Variants in RBM33 observed in about 807,000 individuals in gnomAD.
RBM33 encodes RNA binding motif protein 33, also known as RNA-binding protein 33.
RBM33 carries 28 observed loss-of-function variants against 132.6 expected under a neutral mutation model. The ratio of observed to expected loss-of-function variants is 0.21; its 90% CI spans 0.16 to 0.29. RBM33 has a LOEUF of 0.29. RBM33 is among the 10% of genes least tolerant of loss of function. The pLI is 1.00. For synonymous variants in RBM33, 634 were observed against 593.0 expected (o/e 1.07, Z -1.01); for missense variants, 1,291 against 1,518.5 (o/e 0.85, Z 2.49).
rs567319396 is a variant in RBM33 at position 155,745,759 on chromosome 7, G to A, written c.2979+157G>A. On this transcript the variant is annotated intron_variant, in intron 14 of 17. Coordinates refer to ENST00000401878, the MANE Select transcript of RBM33 (RefSeq NM_053043.3). This position sits in a 1 kb window ranked among gnomAD's most constrained non-coding sequence, Gnocchi z 4.1. The stretch of plus-strand genomic sequence containing the variant: ...ACTTGAAGTTGGTATAAGAATTGCC[G>A]CTTGACGACAGGCATACATTCTCAG... 35 of 733,846 alleles carry A rather than the reference G, an allele frequency of 4.8e-5. 1 individual carries two copies. Among genetic ancestry groups the A allele is most frequent in the African/African-American group, 8.9e-5 (5 of 56,336 alleles). The allele number at this position is 733,846 out of a possible 1,614,324, so 45.5% of individuals were successfully genotyped here.
chr7:155,656,899 A>G (rs768560810), intron 1 of RBM33, among the ~76,000 whole-genome samples: 6 of 151,408 alleles, frequency 4.0e-5, no homozygotes, highest in African/African-American at 7.3e-5. Context: ...TACATACCAT[A>G]TATTAGTTTA....
rs184954444 is a variant in RBM33, at chr7:155,737,816, G to A, written c.1393+154G>A. Among the ~76,000 whole-genome samples, 35 of 152,284 alleles carry A rather than the reference G, an allele frequency of 2.3e-4. No homozygotes were observed. In the East Asian group the frequency reaches 3.9e-3, roughly 17 times the overall value. On this transcript the variant is annotated intron_variant, in intron 10 of 17. Transcript: ENST00000401878. ...ATAGCAGTTCTGCCTGTCATTTCAG[G>A]TGCTAAAATTGGACATTGTTGGTAT... is the stretch of plus-strand genomic sequence containing the variant.
At chr7:155,709,535 G>T (rs759454386) in intron 7 of RBM33, among the ~76,000 whole-genome samples, 31 of 152,016 alleles carry the variant, frequency 2.0e-4, no homozygotes, top group Non-Finnish European at 3.8e-4. Context: ...AACTGTCCCT[G>T]TACCTCTCCA....
At chr7:155,666,903 ATTC>A (rs1461085960) in intron 2 of RBM33, among the ~76,000 whole-genome samples, 3 of 152,122 alleles carry the variant, frequency 2.0e-5, no homozygotes, top group South Asian at 4.1e-4. Context: ...TGTAGTTTTT[ATTC>A]TTTTTTTATT....
At chr7:155,689,807 T>C (rs1006262726) in intron 5 of RBM33, among the ~76,000 whole-genome samples, 4 of 152,218 alleles carry the variant, frequency 2.6e-5, no homozygotes, top group Non-Finnish European at 4.4e-5. Flanking sequence ...TAATCCTAAG[T>C]TCTAGTTTGA....
At chr7:155,672,746 A>G (rs931741610) in intron 2 of RBM33, 121 bp from the exon 3 acceptor site, 13 of 25,020 alleles carry the variant, frequency 5.2e-4, no homozygotes, top group African/African-American at 1.8e-3. Flanking sequence ...CTTTGTCTCA[A>G]AAAAAAAAAA....
chr7:155,746,468 T>C (rs1801519072), intron 14 of RBM33: 1 of 152,222 alleles, frequency 6.6e-6, no homozygotes, highest in African/African-American at 2.4e-5. Flanking sequence ...TTTCTCTTGC[T>C]TTTCATCATT....
At chr7:155,769,671 C>G (rs776186257) in intron 16 of RBM33, among the ~76,000 whole-genome samples, 3 of 151,988 alleles carry the variant, frequency 2.0e-5, no homozygotes, top group Non-Finnish European at 4.4e-5. Flanking sequence ...AGTGGATCAC[C>G]GAGAAGACAG....
Position 155,745,491 on chromosome 7 carries a change from C to A in RBM33, c.2868C>A (p.Pro956=), listed in dbSNP as rs754400341. Residue 956 remains proline, a synonymous_variant, in exon 14 of 18, where the codon CCC becomes CCA. Coordinates refer to ENST00000401878, the MANE Select transcript of RBM33 (RefSeq NM_053043.3). This position sits in a 1 kb window ranked among gnomAD's most constrained non-coding sequence, Gnocchi z 4.1. ...TPRVASIQGR[P]QDTKPGVKRT... ...GAGTGGCGTCCATCCAGGGCCGGCC[C>A]CAGGACACAAAGCCTGGCGTGAAAA... 4 of 1,613,578 alleles carry A rather than the reference C, an allele frequency of 2.5e-6. No homozygotes were observed. The highest frequency in any genetic ancestry group is 3.4e-6 in the Non-Finnish European group (4 of 1,179,780).
chr7:155,726,779 A>T (rs192690566), intron 9 of RBM33, among the ~76,000 whole-genome samples: 1 of 152,246 alleles, frequency 6.6e-6, no homozygotes, highest in African/African-American at 2.4e-5. Flanking sequence ...TTTATATGGC[A>T]TTTCTTGGAG....
At chr7:155,740,078 T>C (rs1801280678) in intron 12 of RBM33, 52 bp downstream of exon 12, 4 of 1,464,278 alleles carry the variant, frequency 2.7e-6, no homozygotes, top group Non-Finnish European at 2.7e-6. Context: ...CCTTTTAACT[T>C]ACAGGACTTG....
At chr7:155,646,570 G>C (rs550937395) in intron 1 of RBM33, among the ~76,000 whole-genome samples, 7 of 152,284 alleles carry the variant, frequency 4.6e-5, no homozygotes, top group African/African-American at 7.2e-5. Context: ...GAAGTTCATC[G>C]CATGGACTGC....
chr7:155,755,221 G>A (rs59414666), intron 14 of RBM33, among the ~76,000 whole-genome samples: 1,988 of 152,292 alleles, frequency 0.013, 49 homozygotes, highest in African/African-American at 0.046. Flanking sequence ...CAACATTGGC[G>A]GTGACAGTGA....
At chr7:155,697,051 T>G (rs1339368800) in intron 5 of RBM33, among the ~76,000 whole-genome samples, 1 of 152,192 alleles carries the variant, frequency 6.6e-6, no homozygotes, top group Non-Finnish European at 1.5e-5. Flanking sequence ...TCAAGCAGTG[T>G]CTGCCAGTTT....
chr7:155,673,550 GTATA>G (rs1231809726), intron 3 of RBM33, among the ~76,000 whole-genome samples: 2 of 48,326 alleles, frequency 4.1e-5, no homozygotes, highest in Non-Finnish European at 4.8e-5. Flanking sequence ...ATACACACGT[GTATA>G]TATATACACA....
At position 155,711,339 on chromosome 7, in the gene RBM33, C is replaced by T. The variant is rs772371058; in HGVS notation, c.1085C>T (p.Pro362Leu). 1 of 1,604,510 alleles carries T rather than the reference C, an allele frequency of 6.2e-7. No individual in the cohort carries two copies. Among genetic ancestry groups the T allele is most frequent in the Non-Finnish European group, 8.5e-7 (1 of 1,175,772 alleles). Reference sequence around the variant, plus strand: ...TCCCCGCCTCAGGGAATGCACATGCCTCCCCAGCTAGAGACCCCAAGGATG... The same window carrying T: ...TCCCCGCCTCAGGGAATGCACATGCTTCCCCAGCTAGAGACCCCAAGGATG... ...HPSPPQGMHM[P>L]PQLETPRMMM... Residue 362 changes from proline to leucine, a missense_variant, in exon 8 of 18, where the codon CCT (proline) becomes CTT (leucine). Coordinates refer to ENST00000401878, the MANE Select transcript of RBM33 (RefSeq NM_053043.3).
intron 8 of RBM33, among the ~76,000 whole-genome samples, chr7:155,712,064 A>G (rs1452071244): frequency 2.0e-5 from 3 of 152,224 alleles, no homozygotes; most frequent in Non-Finnish European, 4.4e-5. Flanking sequence ...TGCTGAGAGT[A>G]CAGTCTGAAT....
At chr7:155,695,704 G>T (rs1196576524) in intron 5 of RBM33, among the ~76,000 whole-genome samples, 1 of 152,160 alleles carries the variant, frequency 6.6e-6, no homozygotes, top group Non-Finnish European at 1.5e-5. Context: ...CAAGTGATCT[G>T]CCCGCCTTGG....
At chr7:155,673,940 G>GTTGTTGTTTTTTTTTTTTTT in intron 3 of RBM33, among the ~76,000 whole-genome samples, 19 of 54,192 alleles carry the variant, frequency 3.5e-4, no homozygotes, top group South Asian at 7.2e-4. Context: ...TTTAGGCTTA[G>GTTGTTGTTTTTTTTTTTTTT]TTTTTTTTTT....
Sources: allele counts gnomAD v4.1 joint callset (sites outside exome capture counted in the v4.1 genomes callset), GRCh38; gene constraint gnomAD v4.1.1; non-coding constraint Gnocchi (gnomAD v3.1); transcripts MANE v1.5; gene names NCBI Gene and HGNC (gene_info 2026-07-23, HGNC 2026-07-21).